The following ADAMTS3 variants were observed in gnomAD, a reference collection of about 807,000 sequenced individuals.
ADAMTS3 encodes the protein ADAM metallopeptidase with thrombospondin type 1 motif 3, also known as A disintegrin and metalloproteinase with thrombospondin motifs 3.
ADAMTS3 carries 73 observed loss-of-function variants against 129.0 expected under a neutral mutation model. That is an observed-to-expected ratio of 0.57 (90% CI 0.47 to 0.69). The LOEUF (loss-of-function observed/expected upper bound fraction) is 0.69. Ranked by LOEUF, ADAMTS3 falls within the 30% of genes least tolerant of loss-of-function variation. ADAMTS3 has a pLI of 0.00. For missense variants in ADAMTS3, 1,457 were observed against 1,514.5 expected, an observed-to-expected ratio of 0.96 and a Z score of 0.63; for synonymous variants, 477 against 510.8, an observed-to-expected ratio of 0.93 and a Z score of 0.89.
At chr4:72,545,378 C>T (rs939978666) in intron 3 of ADAMTS3, among the ~76,000 whole-genome samples, 1 of 152,126 alleles carries the variant, frequency 6.6e-6, no homozygotes, top group African/African-American at 2.4e-5. Context: ...AAGCATACAA[C>T]ACTAGGTACA....
intron 21 of ADAMTS3, among the ~76,000 whole-genome samples, chr4:72,287,684 G>A (rs1387413983): frequency 1.3e-5 from 2 of 152,098 alleles, no homozygotes; most frequent in Admixed American, 6.6e-5. Context: ...ACAGGCAGCA[G>A]GTGACAGCTC....
Position 72,343,548 on chromosome 4 carries a change from C to T in ADAMTS3, c.662-3855G>A, listed in dbSNP as rs760482424. Among the ~76,000 whole-genome samples the T allele has an allele frequency of 2.5e-4, 38 of 152,098 alleles. 2 individuals carry two copies. The highest frequency in any genetic ancestry group is 1.3e-4 in the Admixed American group (2 of 15,254). ...GCAGCACCCATTAAGGAATGTGTCC[C>T]CTGCCTGCCAAAATATCTTTGAAAA... is the stretch of plus-strand genomic sequence containing the variant. On this transcript the variant is annotated intron_variant, in intron 4 of 21. Transcript: ENST00000286657.
chr4:72,318,838 G>A (rs1347052689), intron 9 of ADAMTS3, 134 bp from the exon 10 acceptor site: 65 of 881,104 alleles, frequency 7.4e-5, no homozygotes, highest in Middle Eastern at 3.5e-4. Context: ...GCAAAAACAT[G>A]TATTTAAGGT....
At chr4:72,438,740 C>T (rs778349287) in intron 3 of ADAMTS3, among the ~76,000 whole-genome samples, 9 of 151,668 alleles carry the variant, frequency 5.9e-5, no homozygotes, top group Non-Finnish European at 8.8e-5. Context: ...GGATGAACAA[C>T]CTTCTGGTTT....
intron 3 of ADAMTS3, among the ~76,000 whole-genome samples, chr4:72,441,486 TTGTC>T (rs1311890635): frequency 2.0e-5 from 3 of 151,820 alleles, no homozygotes; most frequent in East Asian, 3.9e-4. Context: ...TATTTGTTAT[TTGTC>T]TGTTCATTAT....
intron 4 of ADAMTS3, among the ~76,000 whole-genome samples, chr4:72,411,201 GT>G (rs778206560): frequency 6.3e-4 from 96 of 152,054 alleles, no homozygotes; most frequent in Non-Finnish European, 1.2e-3. Context: ...TTGATTGATT[GT>G]TTTTGTGTTG....
intron 3 of ADAMTS3, among the ~76,000 whole-genome samples, chr4:72,471,730 A>T (rs1560528690): frequency 6.6e-6 from 1 of 152,110 alleles, no homozygotes; most frequent in Non-Finnish European, 1.5e-5. Context: ...AGCTACTTTT[A>T]GACAAACTTG....
At chr4:72,343,526 G>T (rs1207835780) in intron 4 of ADAMTS3, among the ~76,000 whole-genome samples, 2 of 151,944 alleles carry the variant, frequency 1.3e-5, no homozygotes, top group Non-Finnish European at 2.9e-5. Flanking sequence ...ACAATCAGCA[G>T]CACCCATTAA....
chr4:72,344,803 T>G (rs901155526), intron 4 of ADAMTS3, among the ~76,000 whole-genome samples: 1 of 151,868 alleles, frequency 6.6e-6, no homozygotes, highest in African/African-American at 2.4e-5. Context: ...TAGAGGAGAG[T>G]CTGACACTTT....
intron 3 of ADAMTS3, among the ~76,000 whole-genome samples, chr4:72,488,914 C>T (rs1023121541): frequency 2.0e-5 from 3 of 151,868 alleles, no homozygotes; most frequent in Admixed American, 6.6e-5. Flanking sequence ...AGTTTGTATG[C>T]TTTGACCACT....
chr4:72,320,954 GA>G, intron 6 of ADAMTS3, 84 bp from the exon 7 acceptor site: 1 of 1,392,274 alleles, frequency 7.2e-7, no homozygotes, highest in South Asian at 1.4e-5. Context: ...CTGAATTTGG[GA>G]TTAAAGTATT....
chr4:72,298,529 T>C, intron 17 of ADAMTS3, 87 bp from the exon 18 acceptor site: 1 of 1,056,324 alleles, frequency 9.5e-7, no homozygotes, highest in Non-Finnish European at 1.3e-6. Context: ...AATATTGCTC[T>C]TATTAAAACT....
chr4:72,287,504 G>C (rs937276969), intron 21 of ADAMTS3, among the ~76,000 whole-genome samples: 1 of 151,224 alleles, frequency 6.6e-6, no homozygotes, highest in Non-Finnish European at 1.5e-5. Context: ...AACAAGGAAA[G>C]AGGGGAAAGA....
intron 3 of ADAMTS3, among the ~76,000 whole-genome samples, chr4:72,542,889 A>AGATT (rs1158095461): frequency 1.3e-5 from 2 of 152,226 alleles, no homozygotes; most frequent in Non-Finnish European, 2.9e-5. Context: ...GGAAACATAC[A>AGATT]GATTTTGTTG....
At chr4:72,294,066 A>T (rs991846497) in intron 19 of ADAMTS3, among the ~76,000 whole-genome samples, 4 of 152,116 alleles carry the variant, frequency 2.6e-5, no homozygotes, top group Non-Finnish European at 4.4e-5. Context: ...AACAAAAAAA[A>T]TACAAGAAAA....
intron 4 of ADAMTS3, among the ~76,000 whole-genome samples, chr4:72,403,632 T>C (rs1397052039): frequency 6.6e-6 from 1 of 152,134 alleles, no homozygotes; most frequent in East Asian, 1.9e-4. Flanking sequence ...TGCAGAAAAA[T>C]TTATTTTTTC....
chr4:72,351,340 G>C (rs1214492374), intron 4 of ADAMTS3, among the ~76,000 whole-genome samples: 1 of 151,782 alleles, frequency 6.6e-6, no homozygotes, highest in African/African-American at 2.4e-5. Context: ...AATTTCAACA[G>C]CCATTTAGCT....
At chr4:72,524,016 G>T (rs1357993609) in intron 3 of ADAMTS3, among the ~76,000 whole-genome samples, 1 of 151,920 alleles carries the variant, frequency 6.6e-6, no homozygotes, top group African/African-American at 2.4e-5. Flanking sequence ...TCCCTTTTAG[G>T]TTTTAACTGC....
In ADAMTS3 at chr4:72,282,282, T is replaced by C. The variant is rs1358808994; in HGVS notation, c.*854A>G. The C allele has an allele frequency of 6.6e-6, 1 of 151,970 alleles. No individual in the cohort carries two copies. The highest frequency in any genetic ancestry group is 1.5e-5 in the Non-Finnish European group (1 of 68,020). 9.4% of individuals were successfully genotyped at this position (151,970 alleles called of 1,614,324 possible). On this transcript the variant is annotated 3_prime_UTR_variant, in exon 22 of 22. Coordinates refer to ENST00000286657, the MANE Select transcript of ADAMTS3 (RefSeq NM_014243.3). ...TGAGGTCCTGGAAAGAGGGTTTCAGTTTTGTCTTGCACGAGTTCATTATTT... is the reference window on the plus strand; with the variant it reads ...TGAGGTCCTGGAAAGAGGGTTTCAGCTTTGTCTTGCACGAGTTCATTATTT...
Sources: gnomAD v4.1 joint callset for allele counts (sites outside exome capture counted in the v4.1 genomes callset) on GRCh38, gnomAD v4.1.1 for gene constraint, MANE v1.5 for transcripts, NCBI Gene and HGNC (gene_info 2026-07-23, HGNC 2026-07-21) for gene names.